GRIK3: variants seen among roughly 807,000 people sequenced by gnomAD.
GRIK3 encodes the protein glutamate receptor ionotropic, kainate 3.
In GRIK3, 29 loss-of-function variants were observed where a neutral mutation model predicts 102.5. That is an observed-to-expected ratio of 0.28 (90% confidence interval 0.21 to 0.39). GRIK3 has a LOEUF of 0.39. GRIK3 is among the 10% of genes least tolerant of loss of function. The probability of loss-of-function intolerance (pLI) is 1.00; values close to 1 mark genes in which losing one functional copy is unlikely to be tolerated. For synonymous variants in GRIK3, 511 were observed against 504.9 expected, an observed-to-expected ratio of 1.01 and a Z score of -0.16; for missense variants, 908 against 1,252.4, an observed-to-expected ratio of 0.73 and a Z score of 4.15.
intron 1 of GRIK3, among the ~76,000 whole-genome samples, chr1:36,893,957 A>C (rs944363750): frequency 1.3e-5 from 2 of 152,324 alleles, no homozygotes; most frequent in Middle Eastern, 3.4e-3. Flanking sequence ...TTCTTGTTTC[A>C]TTCTTAATGC....
chr1:36,852,173 G>A (rs2124229587), intron 8 of GRIK3, among the ~76,000 whole-genome samples: 1 of 152,302 alleles, frequency 6.6e-6, no homozygotes, highest in South Asian at 2.1e-4. Flanking sequence ...TTAAGGGACT[G>A]ATGCTATATA....
At chr1:36,874,654 G>A (rs926154063) in intron 3 of GRIK3, among the ~76,000 whole-genome samples, 2 of 152,190 alleles carry the variant, frequency 1.3e-5, no homozygotes, top group African/African-American at 4.8e-5. Flanking sequence ...GTTACCCCGT[G>A]AGGTCCAGGG....
At chr1:36,956,968 C>T (rs1009361949) in intron 1 of GRIK3, among the ~76,000 whole-genome samples, 1 of 152,268 alleles carries the variant, frequency 6.6e-6, no homozygotes, top group South Asian at 2.1e-4. Context: ...TCTCCACCCG[C>T]ATCACTCTGG....
chr1:36,904,250 C>T (rs58375874), intron 1 of GRIK3, among the ~76,000 whole-genome samples: 1,643 of 152,324 alleles, frequency 0.011, 26 homozygotes, highest in African/African-American at 0.036. Context: ...AGTGTGTACG[C>T]GTGTGCATCC....
intron 5 of GRIK3, among the ~76,000 whole-genome samples, chr1:36,860,519 C>A (rs1640709699): frequency 6.6e-6 from 1 of 152,208 alleles, no homozygotes; most frequent in South Asian, 2.1e-4. Context: ...CCCTTTTCCC[C>A]CGATCCCAGC....
chr1:36,800,220 G>C lies in GRIK3; in HGVS notation c.*1631C>G, dbSNP rs768101619. ...CGGGCTTCCCAAGCAGCATGGGACA[G>C]AGGTGGGAGGGGAGTGGCTGGTATG... On this transcript the variant is annotated 3_prime_UTR_variant, in exon 16 of 16. Coordinates refer to ENST00000373091, the MANE Select transcript of GRIK3 (RefSeq NM_000831.4). 6.6e-6 allele frequency: 1 copy of C among 152,238 alleles called. No homozygotes were observed. Among genetic ancestry groups the C allele is most frequent in the Non-Finnish European group, 1.5e-5 (1 of 68,060 alleles). 9.4% of individuals were successfully genotyped at this position (152,238 alleles called of 1,614,324 possible).
intron 1 of GRIK3, among the ~76,000 whole-genome samples, chr1:36,917,658 A>G (rs1172010639): frequency 6.6e-6 from 1 of 152,214 alleles, no homozygotes; most frequent in African/African-American, 2.4e-5. Context: ...GTGCCTTTCA[A>G]CTTCTGCCAT....
chr1:36,822,343 G>A (rs539818862), intron 11 of GRIK3, among the ~76,000 whole-genome samples: 1 of 152,194 alleles, frequency 6.6e-6, no homozygotes, highest in African/African-American at 2.4e-5. Flanking sequence ...TGCCGTTACA[G>A]GTTGGGGTCC....
chr1:37,020,372 T>C (rs1642696311), intron 1 of GRIK3, among the ~76,000 whole-genome samples: 1 of 152,246 alleles, frequency 6.6e-6, no homozygotes, highest in Non-Finnish European at 1.5e-5. Flanking sequence ...GGCTCTATTA[T>C]AGGTATGCAG....
Position 37,034,498 on chromosome 1 carries a change from T to C in GRIK3, c.-390A>G, listed in dbSNP as rs1026543457. Among the ~76,000 whole-genome samples the C allele has an allele frequency of 2.6e-5, 4 of 151,396 alleles. No homozygotes were observed. Among genetic ancestry groups the C allele is most frequent in the Non-Finnish European group, 4.4e-5 (3 of 67,816 alleles). ...CTCCTCCTCCAGCCGCCGCCGATGC[T>C]ATCGCCCGGGCTCGCACAAAGCCCC... is the stretch of plus-strand genomic sequence containing the variant. On this transcript the variant is annotated 5_prime_UTR_variant, in exon 1 of 16. In the 5' UTR this introduces an upstream ATG that the reference lacks. Transcript: ENST00000373091.
chr1:36,884,681 C>A (rs1641018940), intron 2 of GRIK3, among the ~76,000 whole-genome samples: 1 of 152,220 alleles, frequency 6.6e-6, no homozygotes, highest in African/African-American at 2.4e-5. Context: ...TCCCCTGATG[C>A]CTCTGGTTTC....
At chr1:36,878,833 T>C (rs1640936092) in intron 3 of GRIK3, among the ~76,000 whole-genome samples, 1 of 152,178 alleles carries the variant, frequency 6.6e-6, no homozygotes, top group Non-Finnish European at 1.5e-5. Context: ...GGAGTTACTA[T>C]GAGATTTACA....
rs1039937056 is a variant in GRIK3, at chr1:36,871,459, C to T, written c.732+729G>A. Reference sequence around the variant, plus strand: ...ATGCCTCCTCCAGTCACCAGAAATGCTTTCTGGGATGACATAATTGCCTTT... The same window carrying T: ...ATGCCTCCTCCAGTCACCAGAAATGTTTTCTGGGATGACATAATTGCCTTT... On this transcript the variant is annotated intron_variant, in intron 4 of 15. Transcript: ENST00000373091. 3.3e-5 allele frequency among the ~76,000 whole-genome samples: 5 copies of T among 152,230 alleles called. No homozygotes were observed. In the East Asian group the frequency reaches 9.6e-4, roughly 29 times the overall value.
intron 5 of GRIK3, among the ~76,000 whole-genome samples, chr1:36,869,380 C>T (rs1020793412): frequency 3.3e-5 from 5 of 152,292 alleles, no homozygotes; most frequent in Middle Eastern, 6.8e-3. Flanking sequence ...CCTCATGTAC[C>T]AGGCACTGCG....
intron 2 of GRIK3, among the ~76,000 whole-genome samples, chr1:36,887,308 T>C (rs976617364): frequency 1.1e-4 from 17 of 152,284 alleles, no homozygotes; most frequent in African/African-American, 3.8e-4. Context: ...ACAAAATACA[T>C]TAACCATAAT....
chr1:37,026,600 T>C (rs1336944207), intron 1 of GRIK3, among the ~76,000 whole-genome samples: 1 of 152,238 alleles, frequency 6.6e-6, no homozygotes, highest in Non-Finnish European at 1.5e-5. Flanking sequence ...AATAACGCTA[T>C]GCAGACAATA....
intron 2 of GRIK3, among the ~76,000 whole-genome samples, chr1:36,881,628 A>G (rs372906626): frequency 6.6e-6 from 1 of 152,146 alleles, no homozygotes; most frequent in Non-Finnish European, 1.5e-5. Flanking sequence ...AGCCGCCATC[A>G]TCTTTGGCTT....
chr1:36,860,443 T>C (rs998651906), intron 5 of GRIK3, among the ~76,000 whole-genome samples: 1 of 152,208 alleles, frequency 6.6e-6, no homozygotes, highest in African/African-American at 2.4e-5. Flanking sequence ...TTTTATCCCC[T>C]AGAAGAGGAT....
Position 36,840,551 on chromosome 1 carries a change from CAAAAAAAAAAAAA to C in GRIK3, c.1530+1172_1530+1184del, listed in dbSNP as rs11442581. Among the ~76,000 whole-genome samples the C allele has an allele frequency of 2.0e-3, 145 of 73,314 alleles. 1 individual carries two copies. Among genetic ancestry groups the C allele is most frequent in the South Asian group, 0.015 (25 of 1,628 alleles). 48.1% of individuals were successfully genotyped at this position (73,314 alleles called of 152,430 possible). On this transcript the variant is annotated intron_variant, in intron 10 of 15. Transcript: ENST00000373091. ...AACAAAGTGAGACCCTGCTCTCCAC[CAAAAAAAAAAAAA>C]AAAAAAAAAAAAATTAGCCAGGTGG...
Sources: allele counts gnomAD v4.1 joint callset (sites outside exome capture counted in the v4.1 genomes callset), GRCh38; gene constraint gnomAD v4.1.1; transcripts MANE v1.5; gene names NCBI Gene and HGNC (gene_info 2026-07-23, HGNC 2026-07-21).